Variants in GIMAP8 observed in about 807,000 individuals in gnomAD.
The protein encoded by GIMAP8 is GTPase IMAP family member 8.
In GIMAP8, 29 loss-of-function variants were observed where a neutral mutation model predicts 35.6. The ratio of observed to expected loss-of-function variants is 0.81; its 90% CI spans 0.61 to 1.11. The LOEUF (loss-of-function observed/expected upper bound fraction) is 1.11, where lower values mean the gene tolerates loss of function less well. Ranked by LOEUF, GIMAP8 falls within the 50% of genes most tolerant of loss-of-function variation. The pLI is 0.00. For synonymous variants in GIMAP8, 335 were observed against 308.7 expected, an observed-to-expected ratio of 1.09 and a Z score of -0.89; for missense variants, 811 against 805.0, an observed-to-expected ratio of 1.01 and a Z score of -0.09.
At position 150,474,198 on chromosome 7, in the gene GIMAP8, G is replaced by C. The variant is rs755205418; in HGVS notation, c.869G>C (p.Ser290Thr). ...QSVTQSFLSE[S>T]RSWRKKKVSI... ...GTAACCCAGAGCTTCTTGTCTGAGA[G>C]CAGAAGCTGGAGAAAAAAGAAAGTT... The change falls in exon 4 of 5, where the codon AGC becomes ACC. Residue 290 changes from serine (S) to threonine (T), a missense_variant. By Grantham distance (58) the Ser-to-Thr change is moderately conservative. Transcript: ENST00000307271. 1.2e-6 allele frequency: 2 copies of C among 1,614,042 alleles called. No individual in the cohort carries two copies. The highest frequency in any genetic ancestry group is 1.7e-6 in the Non-Finnish European group (2 of 1,179,906).
chr7:150,462,387 C>A (rs924263790), intron 1 of GIMAP8, among the ~76,000 whole-genome samples: 1 of 152,106 alleles, frequency 6.6e-6, no homozygotes, highest in South Asian at 2.1e-4. Flanking sequence ...ATAGTAATAA[C>A]ATTTGATTCC....
At position 150,466,761 on chromosome 7, in the gene GIMAP8, G is replaced by C. The variant is rs770460277; in HGVS notation, c.63G>C (p.Ser21=). 1 of 1,614,068 alleles carries C rather than the reference G, an allele frequency of 6.2e-7. No individual in the cohort carries two copies. Among genetic ancestry groups the C allele is most frequent in the South Asian group, 1.1e-5 (1 of 91,086 alleles). Residue 21 remains serine, a synonymous_variant, in exon 2 of 5, where the codon TCG becomes TCC. Transcript: ENST00000307271. The part of the protein sequence containing the change: ...LRLLLLGKCR[S]GKSATGNAIL... Reference sequence around the variant, plus strand: ...TCCTCCTCCTGGGAAAATGCCGCTCGGGAAAAAGTGCCACAGGAAATGCCA... The same window carrying C: ...TCCTCCTCCTGGGAAAATGCCGCTCCGGAAAAAGTGCCACAGGAAATGCCA...
chr7:150,471,329 G>A (rs927014330), intron 3 of GIMAP8, among the ~76,000 whole-genome samples: 2 of 152,180 alleles, frequency 1.3e-5, no homozygotes, highest in Non-Finnish European at 2.9e-5. Flanking sequence ...AATATGTATA[G>A]ATCTACCTCC....
intron 2 of GIMAP8, 28 bp downstream of exon 2, chr7:150,467,362 AT>A: frequency 6.3e-7 from 1 of 1,584,542 alleles, no homozygotes. Context: ...ATCTTGAAAG[AT>A]CTCTATGTTG....
intron 1 of GIMAP8, among the ~76,000 whole-genome samples, chr7:150,456,784 A>T (rs1014591051): frequency 6.6e-6 from 1 of 152,230 alleles, no homozygotes; most frequent in African/African-American, 2.4e-5. Flanking sequence ...CATTTTTTTC[A>T]ATATGGAAAA....
intron 1 of GIMAP8, among the ~76,000 whole-genome samples, chr7:150,458,453 T>C (rs531339718): frequency 6.6e-6 from 1 of 152,168 alleles, no homozygotes; most frequent in South Asian, 2.1e-4. Flanking sequence ...TTACTCAGAG[T>C]CCACTGATTT....
chr7:150,462,480 A>C (rs1368393550), intron 1 of GIMAP8, among the ~76,000 whole-genome samples: 2 of 152,038 alleles, frequency 1.3e-5, no homozygotes, highest in Admixed American at 1.3e-4. Flanking sequence ...CTGTCCTTTC[A>C]CTTTCACATG....
Position 150,470,846 on chromosome 7 carries a change from T to C in GIMAP8, c.654T>C (p.Ala218=). Residue 218 remains alanine, a synonymous_variant, in exon 3 of 5, where the codon GCT becomes GCC. Transcript: ENST00000307271. ...GSRFQDCVNE[A]ASQEGDKPQG... ...TTTTCTAGGATTGTGTGAATGAAGC[T>C]GCATCTCAAGAGGGAGACAAGCCAC... 1 of 1,604,482 alleles carries C rather than the reference T, an allele frequency of 6.2e-7. No individual in the cohort carries two copies. The highest frequency in any genetic ancestry group is 1.7e-4 in the Middle Eastern group (1 of 6,020).
chr7:150,471,710 G>C (rs552649813), intron 3 of GIMAP8, among the ~76,000 whole-genome samples: 297 of 152,156 alleles, frequency 2.0e-3, no homozygotes, highest in Non-Finnish European at 3.5e-3. Flanking sequence ...GGTAGTGCGT[G>C]CCTGTCGTCT....
intron 1 of GIMAP8, among the ~76,000 whole-genome samples, chr7:150,464,403 T>C (rs1801907766): frequency 6.6e-6 from 1 of 152,224 alleles, no homozygotes; most frequent in South Asian, 2.1e-4. Context: ...AATTATGGGC[T>C]GAACATGGTG....
intron 1 of GIMAP8, among the ~76,000 whole-genome samples, chr7:150,466,170 G>C (rs1801952218): frequency 6.6e-6 from 1 of 152,132 alleles, no homozygotes; most frequent in Admixed American, 6.5e-5. Flanking sequence ...ATATTTGCTT[G>C]TATGCTCTAG....
At chr7:150,459,955 G>A (rs1801810867) in intron 1 of GIMAP8, among the ~76,000 whole-genome samples, 2 of 152,222 alleles carry the variant, frequency 1.3e-5, no homozygotes, top group South Asian at 4.1e-4. Flanking sequence ...CATGACTGAA[G>A]TGGTCCAATG....
At position 150,477,534 on chromosome 7, in the gene GIMAP8, C is replaced by T. The variant is rs1802265376; in HGVS notation, c.1752C>T (p.Asn584=). The T allele has an allele frequency of 6.2e-7, 1 of 1,614,094 alleles. No homozygotes were observed. Among genetic ancestry groups the T allele is most frequent in the African/African-American group, 1.3e-5 (1 of 74,932 alleles). ...NLEDFMKNSD[N]KALRRIFKKC... ...AAGACTTCATGAAGAACTCAGATAA[C>T]AAAGCCCTTCGGCGCATTTTTAAAA... Residue 584 remains asparagine, a synonymous_variant, in exon 5 of 5, where the codon AAC becomes AAT. Transcript: ENST00000307271.
chr7:150,451,859 G>C lies in GIMAP8; in HGVS notation c.-29+684G>C, dbSNP rs992374295. On this transcript the variant is annotated intron_variant, in intron 1 of 4. Coordinates refer to ENST00000307271, the MANE Select transcript of GIMAP8 (RefSeq NM_175571.4). This position sits in a 1 kb window ranked among gnomAD's most constrained non-coding sequence, Gnocchi z 4.1. ...ATTTCACCTACATTTCAGCCAACCT[G>C]GTCCTCAGCAGTTAACCTCTTCCCT... Among the ~76,000 whole-genome samples, 1 of 152,234 alleles carries C rather than the reference G, an allele frequency of 6.6e-6. No homozygotes were observed. The highest frequency in any genetic ancestry group is 1.5e-5 in the Non-Finnish European group (1 of 68,034).
intron 1 of GIMAP8, among the ~76,000 whole-genome samples, chr7:150,455,659 T>C (rs1225717417): frequency 1.3e-5 from 2 of 152,166 alleles, no homozygotes; most frequent in East Asian, 3.9e-4. Flanking sequence ...AAACCAGAGC[T>C]TGTTAAATTT....
Position 150,477,563 on chromosome 7 carries a change from G to A in GIMAP8, c.1781G>A (p.Cys594Tyr), listed in dbSNP as rs1313386964. Residue 594 changes from cysteine (C) to tyrosine (Y), a missense_variant, in exon 5 of 5, where the codon TGT (cysteine) becomes TAT (tyrosine). Transcript: ENST00000307271. ...GCCCTTCGGCGCATTTTTAAAAAGT[G>A]TGGGCGGCGAGTTTGTGCTTTTAAC... ...NKALRRIFKK[C>Y]GRRVCAFNNK... 6 of 1,614,096 alleles carry A rather than the reference G, an allele frequency of 3.7e-6. No individual in the cohort carries two copies. The highest frequency in any genetic ancestry group is 1.3e-5 in the African/African-American group (1 of 74,924).
At position 150,466,960 on chromosome 7, in the gene GIMAP8, G is replaced by A; in HGVS notation, c.262G>A (p.Glu88Lys). The A allele has an allele frequency of 2.5e-6, 4 of 1,614,208 alleles. No homozygotes were observed. Among genetic ancestry groups the A allele is most frequent in the Non-Finnish European group, 3.4e-6 (4 of 1,180,034 alleles). The change falls in exon 2 of 5, where the codon GAG becomes AAG. Residue 88 changes from glutamate to lysine, a missense_variant. Physicochemically the swap from Glu to Lys is moderately conservative, Grantham distance 56 (BLOSUM62 1). Coordinates refer to ENST00000307271, the MANE Select transcript of GIMAP8 (RefSeq NM_175571.4). ...DKQRNIQHCL[E>K]LSAPSLHALL... ...GCAACGCAACATCCAACACTGCTTGGAGCTCTCTGCTCCCAGCCTCCATGC... is the reference window on the plus strand; with the variant it reads ...GCAACGCAACATCCAACACTGCTTGAAGCTCTCTGCTCCCAGCCTCCATGC...
At position 150,474,270 on chromosome 7, in the gene GIMAP8, C is replaced by T; in HGVS notation, c.941C>T (p.Ser314Leu). The T allele has an allele frequency of 6.2e-7, 1 of 1,614,164 alleles. No homozygotes were observed. The highest frequency in any genetic ancestry group is 8.5e-7 in the Non-Finnish European group (1 of 1,180,008). Residue 314 changes from serine (S) to leucine (L), a missense_variant, in exon 4 of 5, where the codon TCA becomes TTA. By Grantham distance (145) the Ser-to-Leu change is moderately radical. Coordinates refer to ENST00000307271, the MANE Select transcript of GIMAP8 (RefSeq NM_175571.4). ...ATCTCATCTTTAAAGAACATTGACT[C>T]AGAAGTTAGAAAACACATCTGTACA... is the stretch of plus-strand genomic sequence containing the variant. The part of the protein sequence containing the change: ...PDISSLKNID[S>L]EVRKHICTGP...
chr7:150,454,346 A>G (rs1180188636), intron 1 of GIMAP8, among the ~76,000 whole-genome samples: 5 of 152,178 alleles, frequency 3.3e-5, no homozygotes, highest in Non-Finnish European at 2.9e-5. Context: ...ATTGGTGGAC[A>G]ATAGACAGCT....
Sources: gnomAD v4.1 joint callset for allele counts (sites outside exome capture counted in the v4.1 genomes callset) on GRCh38, gnomAD v4.1.1 for gene constraint, Gnocchi (gnomAD v3.1) non-coding constraint, MANE v1.5 for transcripts, NCBI Gene and HGNC (gene_info 2026-07-23, HGNC 2026-07-21) for gene names.